Variants in ITPR1 observed in about 807,000 individuals in gnomAD.
ITPR1 encodes inositol 1,4,5-trisphosphate receptor type 1.
In ITPR1, 96 loss-of-function variants were observed where a neutral mutation model predicts 318.4. The observed-to-expected ratio is 0.30, with a 90% CI of 0.26 to 0.36. The LOEUF (loss-of-function observed/expected upper bound fraction) is 0.36, where lower values mean the gene tolerates loss of function less well. Ranked by LOEUF, ITPR1 falls within the 10% of genes least tolerant of loss-of-function variation. The pLI is 1.00. For synonymous variants in ITPR1, 1,312 were observed against 1,289.9 expected, an observed-to-expected ratio of 1.02 and a Z score of -0.37; for missense variants, 2,440 against 3,460.2, an observed-to-expected ratio of 0.71 and a Z score of 7.40.
At chr3:4,831,153 A>ACACACACACACACACACT in intron 60 of ITPR1, 1 of 381,588 alleles carries the variant, frequency 2.6e-6, no homozygotes, top group East Asian at 7.4e-5. Context: ...ACACACACAC[A>ACACACACACACACACACT]CTCACTCCCT....
At chr3:4,601,843 A>G (rs373325551) in intron 4 of ITPR1, among the ~76,000 whole-genome samples, 1 of 152,270 alleles carries the variant, frequency 6.6e-6, no homozygotes, top group Non-Finnish European at 1.5e-5. Context: ...GACTTCTCAC[A>G]GCTCAATAGT....
intron 3 of ITPR1, among the ~76,000 whole-genome samples, chr3:4,520,748 C>G (rs1248613543): frequency 6.6e-6 from 1 of 152,200 alleles, no homozygotes; most frequent in Admixed American, 6.5e-5. Context: ...CTTCAGCCAC[C>G]TTGCATGCTA....
intron 16 of ITPR1, among the ~76,000 whole-genome samples, chr3:4,663,869 C>G (rs1038417177): frequency 1.3e-5 from 2 of 152,202 alleles, no homozygotes; most frequent in African/African-American, 4.8e-5. Context: ...ATTGTTTTCC[C>G]TTTACAGAAT....
At chr3:4,563,009 G>T (rs1221330221) in intron 4 of ITPR1, among the ~76,000 whole-genome samples, 8 of 152,170 alleles carry the variant, frequency 5.3e-5, no homozygotes, top group African/African-American at 1.9e-4. Flanking sequence ...TTCTGGAGGA[G>T]GTAACATAGA....
intron 4 of ITPR1, among the ~76,000 whole-genome samples, chr3:4,607,724 G>A (rs2091800400): frequency 6.6e-6 from 1 of 152,052 alleles, no homozygotes; most frequent in Admixed American, 6.6e-5. Context: ...GTCCTCTGGT[G>A]CGCTGAGTTG....
At chr3:4,797,499 C>G (rs2047973706) in intron 53 of ITPR1, among the ~76,000 whole-genome samples, 1 of 152,142 alleles carries the variant, frequency 6.6e-6, no homozygotes, top group Non-Finnish European at 1.5e-5. Context: ...CTGCCAAGAA[C>G]CAGTGGCCTT....
intron 61 of ITPR1, among the ~76,000 whole-genome samples, chr3:4,841,644 G>A (rs2051352648): frequency 6.6e-6 from 1 of 152,192 alleles, no homozygotes; most frequent in African/African-American, 2.4e-5. Context: ...TGAACACATT[G>A]CTCTGGGAAT....
At chr3:4,568,767 T>C (rs999993060) in intron 4 of ITPR1, among the ~76,000 whole-genome samples, 2 of 152,182 alleles carry the variant, frequency 1.3e-5, no homozygotes, top group African/African-American at 4.8e-5. Flanking sequence ...CTGAAAATGT[T>C]GATGAGGGCT....
intron 44 of ITPR1, among the ~76,000 whole-genome samples, chr3:4,765,090 A>T (rs1004849188): frequency 6.6e-6 from 1 of 152,012 alleles, no homozygotes; most frequent in South Asian, 2.1e-4. Context: ...AAAAGAAACG[A>T]GGCAGTAAAA....
chr3:4,840,058 T>TTTTTTTTTTTG (rs2051227332), intron 61 of ITPR1, among the ~76,000 whole-genome samples: 1 of 134,150 alleles, frequency 7.5e-6, no homozygotes, highest in South Asian at 2.3e-4. Flanking sequence ...TTTTTTTTTT[T>TTTTTTTTTTTG]GAGGGGGCAG....
Position 4,846,433 on chromosome 3 carries a change from TG to T in ITPR1, c.*209del, listed in dbSNP as rs2051786270. 1 of 377,682 alleles carries T rather than the reference TG, an allele frequency of 2.6e-6. No individual in the cohort carries two copies. Among genetic ancestry groups the T allele is most frequent in the East Asian group, 3.9e-5 (1 of 25,564 alleles). The allele number at this position is 377,682 out of a possible 1,614,324, so 23.4% of individuals were successfully genotyped here. A position where few individuals can be genotyped will look rare whatever the true frequency, so the allele number is the denominator to read the frequency against. ...ATTGTTGGCATGATGACATTTCATTTGTGCCAAAAATATTAAAAATGCCTTT... is the reference window on the plus strand; with the variant it reads ...ATTGTTGGCATGATGACATTTCATTTTGCCAAAAATATTAAAAATGCCTTT... On this transcript the variant is annotated 3_prime_UTR_variant, in exon 62 of 62. Transcript: ENST00000649015.
intron 3 of ITPR1, among the ~76,000 whole-genome samples, chr3:4,519,540 A>T (rs2082403743): frequency 6.6e-6 from 1 of 152,168 alleles, no homozygotes; most frequent in South Asian, 2.1e-4. Context: ...TTGATGATTT[A>T]TTAACCTAGC....
intron 10 of ITPR1, among the ~76,000 whole-genome samples, chr3:4,650,606 AGTGTGTGT>A (rs1177734281): frequency 3.9e-4 from 54 of 137,308 alleles, no homozygotes; most frequent in African/African-American, 1.6e-3. Context: ...GATATGCCTT[AGTGTGTGT>A]GTGTGTGTGT....
At chr3:4,516,424 C>T in intron 2 of ITPR1, 52 bp from the exon 3 acceptor site, 1 of 1,014,638 alleles carries the variant, frequency 9.9e-7, no homozygotes, top group Non-Finnish European at 1.5e-6. Context: ...CTTTTTTCCC[C>T]TTCTGAACAT....
intron 4 of ITPR1, among the ~76,000 whole-genome samples, chr3:4,624,595 G>A (rs574869359): frequency 1.7e-4 from 25 of 150,860 alleles, no homozygotes; most frequent in Admixed American, 4.6e-4. Context: ...ACTTGAACCC[G>A]GGAGGCAGAG....
intron 4 of ITPR1, among the ~76,000 whole-genome samples, chr3:4,575,070 A>G (rs1271542223): frequency 1.3e-5 from 2 of 152,230 alleles, no homozygotes; most frequent in South Asian, 2.1e-4. Flanking sequence ...TGATTTCTGT[A>G]CTTTTCTTGC....
intron 4 of ITPR1, among the ~76,000 whole-genome samples, chr3:4,593,276 C>A (rs867226906): frequency 6.6e-6 from 1 of 152,144 alleles, no homozygotes; most frequent in Non-Finnish European, 1.5e-5. Context: ...GTTTCGTGAA[C>A]TTAGACATGC....
chr3:4,581,531 C>G (rs1465087956), intron 4 of ITPR1, among the ~76,000 whole-genome samples: 1 of 152,216 alleles, frequency 6.6e-6, no homozygotes, highest in Non-Finnish European at 1.5e-5. Flanking sequence ...GCCATCTCAA[C>G]TCAGTATTAA....
At chr3:4,843,240 CAA>C (rs1477977239) in intron 61 of ITPR1, among the ~76,000 whole-genome samples, 1 of 152,062 alleles carries the variant, frequency 6.6e-6, no homozygotes, top group East Asian at 1.9e-4. Context: ...CATGGTTAAT[CAA>C]AAGAGTATCA....
Sources: gnomAD v4.1 joint callset for allele counts (sites outside exome capture counted in the v4.1 genomes callset) on GRCh38, gnomAD v4.1.1 for gene constraint, MANE v1.5 for transcripts, NCBI Gene and HGNC (gene_info 2026-07-23, HGNC 2026-07-21) for gene names.